CHD9: variants seen among roughly 807,000 people sequenced by gnomAD.
CHD9 encodes the protein ATP-dependent chromatin remodeler CHD9.
CHD9 carries 77 observed loss-of-function variants against 316.1 expected under a neutral mutation model. The ratio of observed to expected loss-of-function variants is 0.24; its 90% CI spans 0.20 to 0.29. CHD9 has a LOEUF of 0.29. Among genes scored for constraint, CHD9 ranks in the 10% least tolerant of loss-of-function variants. The pLI is 1.00. For missense variants in CHD9, 2,763 were observed against 3,438.1 expected, an observed-to-expected ratio of 0.80 and a Z score of 4.91; for synonymous variants, 1,129 against 1,158.3, an observed-to-expected ratio of 0.97 and a Z score of 0.51.
chr16:53,156,790 C>G lies in CHD9; in HGVS notation c.701C>G (p.Thr234Arg). Reference protein sequence around the residue: ...QSISMQQFSQTSNPSAHFHKC... With the variant: ...QSISMQQFSQRSNPSAHFHKC... ...ATTTCAATGCAGCAATTTTCTCAAACGTCAAATCCTTCAGCACACTTCCAC... is the reference window on the plus strand; with the variant it reads ...ATTTCAATGCAGCAATTTTCTCAAAGGTCAAATCCTTCAGCACACTTCCAC... Residue 234 changes from threonine (T) to arginine (R), a missense_variant, in exon 2 of 39, where the codon ACG becomes AGG. By Grantham distance (71) the Thr-to-Arg change is moderately conservative. Around this residue, in one of 15 missense-constraint regions of CHD9, gnomAD observed 859 missense variants for 890.4 expected, o/e 0.96. Transcript: ENST00000447540. 1 of 1,613,836 alleles carries G rather than the reference C, an allele frequency of 6.2e-7. No individual in the cohort carries two copies.
intron 1 of CHD9, among the ~76,000 whole-genome samples, chr16:53,069,638 T>C (rs73594429): frequency 0.018 from 2,680 of 152,364 alleles, 87 homozygotes; most frequent in African/African-American, 0.061. Context: ...CATTCATCTG[T>C]TGGTGGACAC....
At chr16:53,281,143 G>T (rs950733562) in intron 24 of CHD9, among the ~76,000 whole-genome samples, 1 of 152,102 alleles carries the variant, frequency 6.6e-6, no homozygotes, top group African/African-American at 2.4e-5. Flanking sequence ...AGGTAAATCT[G>T]AAATTTACAT....
At chr16:53,177,549 G>A (rs772072425) in intron 2 of CHD9, among the ~76,000 whole-genome samples, 1 of 152,140 alleles carries the variant, frequency 6.6e-6, no homozygotes, top group African/African-American at 2.4e-5. Context: ...CTGAGGCCCA[G>A]ATAGAGTCTA....
chr16:53,267,455 A>G lies in CHD9; in HGVS notation c.4482A>G (p.Glu1494=), dbSNP rs147191691. 23 of 1,608,826 alleles carry G rather than the reference A, an allele frequency of 1.4e-5. 1 individual carries two copies. Among genetic ancestry groups the G allele is most frequent in the Admixed American group, 3.4e-5 (2 of 59,382 alleles). The change falls in exon 21 of 39, where the codon GAA becomes GAG. Residue 1494 remains glutamate (E), a synonymous_variant. Coordinates refer to ENST00000447540, the MANE Select transcript of CHD9 (RefSeq NM_001308319.2). The stretch of plus-strand genomic sequence containing the variant: ...GTTCCAATGGCTATGGAAGAACTGA[A>G]TGCTTTAGAGTTGAGAAAAACCTGC... The part of the protein sequence containing the change: ...CDRSNGYGRT[E]CFRVEKNLLV...
At chr16:53,151,678 C>T (rs370592052) in intron 1 of CHD9, among the ~76,000 whole-genome samples, 57 of 152,270 alleles carry the variant, frequency 3.7e-4, no homozygotes, top group African/African-American at 1.3e-3. Flanking sequence ...TGTTGAACAA[C>T]GATAATGAAT....
chr16:53,216,785 G>A (rs902853778), intron 3 of CHD9, among the ~76,000 whole-genome samples: 1 of 152,128 alleles, frequency 6.6e-6, no homozygotes, highest in African/African-American at 2.4e-5. Context: ...GAACTCTTAG[G>A]GAATATTTTA....
intron 1 of CHD9, among the ~76,000 whole-genome samples, chr16:53,145,179 T>G (rs1265801834): frequency 1.3e-5 from 2 of 151,322 alleles, no homozygotes; most frequent in African/African-American, 4.9e-5. Context: ...GAGACAGACT[T>G]TAGCTCTTCT....
intron 1 of CHD9, among the ~76,000 whole-genome samples, chr16:53,098,481 AAAAAAAAAAAAG>A (rs1229855746): frequency 1.3e-5 from 2 of 151,232 alleles, no homozygotes; most frequent in Non-Finnish European, 3.0e-5. Flanking sequence ...GTCTCAAAAA[AAAAAAAAAAAAG>A]AAAGAAAGAA....
intron 26 of CHD9, 109 bp from the exon 27 acceptor site, chr16:53,287,848 G>A (rs1301316862): frequency 2.6e-5 from 22 of 849,562 alleles, no homozygotes; most frequent in South Asian, 3.0e-5. Context: ...GAGAAGAGAC[G>A]TCAGTCTGAC....
intron 1 of CHD9, among the ~76,000 whole-genome samples, chr16:53,119,827 A>G (rs892209766): frequency 6.6e-6 from 1 of 152,094 alleles, no homozygotes; most frequent in Non-Finnish European, 1.5e-5. Context: ...GCGAAACTCC[A>G]TACTGAAAAA....
intron 1 of CHD9, among the ~76,000 whole-genome samples, chr16:53,154,965 A>G (rs1293037082): frequency 1.3e-5 from 2 of 152,196 alleles, no homozygotes; most frequent in Non-Finnish European, 2.9e-5. Context: ...GAGTCATTTA[A>G]AAATATGTCT....
intron 2 of CHD9, among the ~76,000 whole-genome samples, chr16:53,178,803 TA>T (rs1478271445): frequency 6.6e-6 from 1 of 152,166 alleles, no homozygotes; most frequent in Non-Finnish European, 1.5e-5. Context: ...ACTATAGTTT[TA>T]AAGTTTTCTT....
chr16:53,109,845 C>T (rs1210305145), intron 1 of CHD9, among the ~76,000 whole-genome samples: 2 of 150,788 alleles, frequency 1.3e-5, no homozygotes, highest in Non-Finnish European at 1.5e-5. Context: ...CCACCACGCC[C>T]GGCTAATTTT....
In CHD9 at chr16:53,231,700, T is replaced by G. The variant is rs1467526636; in HGVS notation, c.2427T>G (p.Thr809=). 4 of 1,610,104 alleles carry G rather than the reference T, an allele frequency of 2.5e-6. No homozygotes were observed. In the African/African-American group the frequency reaches 4.0e-5, roughly 16 times the overall value. ...GCTCATTGCCATATGAAGATAGTAC[T>G]TGGGAACTAAAAGAAGATGTAGATC... is the stretch of plus-strand genomic sequence containing the variant. ...KWCSLPYEDS[T]WELKEDVDLA... The change falls in exon 10 of 39, where the codon ACT becomes ACG. Residue 809 remains threonine (T), a synonymous_variant. Coordinates refer to ENST00000447540, the MANE Select transcript of CHD9 (RefSeq NM_001308319.2).
intron 12 of CHD9, 124 bp from the exon 13 acceptor site, chr16:53,242,716 G>C (rs999437376): frequency 2.6e-6 from 2 of 768,852 alleles, no homozygotes; most frequent in African/African-American, 3.5e-5. Flanking sequence ...GTAAGGGAGT[G>C]TCTGCATATG....
At chr16:53,217,944 C>CTTTCTTTT (rs1418004639) in intron 3 of CHD9, among the ~76,000 whole-genome samples, 1 of 76,402 alleles carries the variant, frequency 1.3e-5, no homozygotes, top group East Asian at 4.1e-4. Context: ...TTCTTTCTTT[C>CTTTCTTTT]TTTCTTTCTT....
chr16:53,281,767 T>A (rs2053439794), intron 24 of CHD9, among the ~76,000 whole-genome samples: 1 of 152,272 alleles, frequency 6.6e-6, no homozygotes, highest in South Asian at 2.1e-4. Flanking sequence ...GGTCCAAATA[T>A]TCTTTCCCCA....
intron 1 of CHD9, 89 bp from the exon 2 acceptor site, chr16:53,155,837 A>G (rs1431916053): frequency 2.3e-6 from 1 of 426,998 alleles, no homozygotes; most frequent in African/African-American, 2.0e-5. Flanking sequence ...GACCTCTTTC[A>G]CTTAGCATAA....
rs1174836470 is a variant in CHD9, at chr16:53,288,021, A to T, written c.5247+7A>T. 6 of 1,594,178 alleles carry T rather than the reference A, an allele frequency of 3.8e-6. No homozygotes were observed. Among genetic ancestry groups the T allele is most frequent in the Non-Finnish European group, 8.6e-7 (1 of 1,162,348 alleles). On this transcript the variant is annotated splice_region_variant and intron_variant, in intron 27 of 38. Transcript: ENST00000447540. ...CTTTAAAGATGATATAGAGGTATGC[A>T]TTGGATCATATTTTTAAATCCTCAA...
Sources: gnomAD v4.1 joint callset for allele counts (sites outside exome capture counted in the v4.1 genomes callset) on GRCh38, gnomAD v4.1.1 for gene constraint, gnomAD v4.1.1 regional missense constraint, MANE v1.5 for transcripts, NCBI Gene and HGNC (gene_info 2026-07-23, HGNC 2026-07-21) for gene names.